Variants in LNP1 observed in about 807,000 individuals in gnomAD.
The protein encoded by LNP1 is leukemia NUP98 fusion partner 1.
A neutral mutation model predicts 14.5 loss-of-function variants in LNP1; 12 were observed. The ratio of observed to expected loss-of-function variants is 0.83; its 90% CI spans 0.53 to 1.34. LNP1 has a LOEUF of 1.34. LNP1 is among the 40% of genes most tolerant of loss of function. The probability of loss-of-function intolerance (pLI) is 0.00; values close to 1 mark genes in which losing one functional copy is unlikely to be tolerated. For missense variants in LNP1, 198 were observed against 210.9 expected, an observed-to-expected ratio of 0.94 and a Z score of 0.38; for synonymous variants, 75 against 71.4, an observed-to-expected ratio of 1.05 and a Z score of -0.26.
At chr3:100,440,326 C>T (rs1235393051) in intron 2 of LNP1, among the ~76,000 whole-genome samples, 2 of 152,166 alleles carry the variant, frequency 1.3e-5, no homozygotes, top group African/African-American at 2.4e-5. Context: ...CCCATAACAA[C>T]ATACAATGGC....
At chr3:100,433,149 C>T (rs572558968) in intron 2 of LNP1, among the ~76,000 whole-genome samples, 123 of 152,242 alleles carry the variant, frequency 8.1e-4, no homozygotes, top group African/African-American at 2.9e-3. Context: ...GCTGCACCTA[C>T]CAACCCGTCA....
intron 1 of LNP1, among the ~76,000 whole-genome samples, chr3:100,421,481 G>C (rs1267576114): frequency 2.6e-5 from 4 of 152,094 alleles, no homozygotes; most frequent in African/African-American, 9.7e-5. Context: ...TTATCACCCT[G>C]TATTGTATTT....
At chr3:100,418,148 C>T (rs1707105730) in intron 1 of LNP1, among the ~76,000 whole-genome samples, 1 of 150,726 alleles carries the variant, frequency 6.6e-6, no homozygotes, top group Non-Finnish European at 1.5e-5. Context: ...CAACCTCTGC[C>T]TCCTGGGTTC....
chr3:100,401,861 A>G lies in LNP1; in HGVS notation c.-612A>G, dbSNP rs2148896938. ...ATCGTCGGCACCAATTAACGAAGCGATGACATCTGCGTTGTTAGGGGTTTC... is the reference window on the plus strand; with the variant it reads ...ATCGTCGGCACCAATTAACGAAGCGGTGACATCTGCGTTGTTAGGGGTTTC... On this transcript the variant is annotated 5_prime_UTR_variant, in exon 1 of 4. An upstream start codon of the reference 5' UTR is lost. Transcript: ENST00000383693. 6.6e-6 allele frequency: 1 copy of G among 152,356 alleles called. No homozygotes were observed. Among genetic ancestry groups the G allele is most frequent in the South Asian group, 2.1e-4 (1 of 4,824 alleles). The allele number at this position is 152,356 out of a possible 1,614,324, so 9.4% of individuals were successfully genotyped here. A position where few individuals can be genotyped will look rare whatever the true frequency, so the allele number is the denominator to read the frequency against.
chr3:100,413,287 G>C (rs1707048159), intron 1 of LNP1, among the ~76,000 whole-genome samples: 1 of 152,180 alleles, frequency 6.6e-6, no homozygotes, highest in Non-Finnish European at 1.5e-5. Context: ...CCCCAATCCT[G>C]ATGGTTTCTG....
intron 2 of LNP1, among the ~76,000 whole-genome samples, chr3:100,440,676 T>A (rs1208931043): frequency 6.6e-6 from 1 of 152,226 alleles, no homozygotes; most frequent in Non-Finnish European, 1.5e-5. Flanking sequence ...ATATATTTAA[T>A]GAACCCATGC....
At position 100,429,738 on chromosome 3, in the gene LNP1, C is replaced by CA; in HGVS notation, c.12dup (p.Asp5ArgfsTer2). 6.2e-7 allele frequency: 1 copy of CA among 1,613,626 alleles called. No homozygotes were observed. Among genetic ancestry groups the CA allele is most frequent in the Non-Finnish European group, 8.5e-7 (1 of 1,179,752 alleles). ...TTTGGCATCACCTTTACATGGAGCA[C>CA]AAAGATGATGATGATGATGATGTGT... On this transcript the variant is annotated frameshift_variant, in exon 2 of 4. Transcript: ENST00000383693. LOFTEE classifies it high-confidence loss of function.
chr3:100,430,872 C>G (rs1023593779), intron 2 of LNP1, among the ~76,000 whole-genome samples: 3 of 152,194 alleles, frequency 2.0e-5, no homozygotes, highest in African/African-American at 7.2e-5. Context: ...CAAAATATAT[C>G]CCTTGCCAAA....
chr3:100,414,519 C>G (rs552675464), intron 1 of LNP1, among the ~76,000 whole-genome samples: 3 of 151,742 alleles, frequency 2.0e-5, no homozygotes, highest in South Asian at 4.2e-4. Context: ...TGCACTCCAG[C>G]CTGGGCAATA....
chr3:100,406,427 A>T (rs564328060), intron 1 of LNP1, among the ~76,000 whole-genome samples: 13 of 152,206 alleles, frequency 8.5e-5, no homozygotes, highest in Non-Finnish European at 1.6e-4. Flanking sequence ...AGGTGGTGTG[A>T]TGGGTAATTT....
At chr3:100,455,723 G>A (rs986834811) in intron 3 of LNP1, 54 bp from the exon 4 acceptor site, 13 of 1,544,992 alleles carry the variant, frequency 8.4e-6, no homozygotes, top group African/African-American at 8.2e-5. Context: ...GAGAAATGTG[G>A]AGTGTTGTCA....
chr3:100,434,836 T>C (rs1707278696), intron 2 of LNP1, among the ~76,000 whole-genome samples: 2 of 151,760 alleles, frequency 1.3e-5, no homozygotes, highest in Admixed American at 1.3e-4. Context: ...GCTGTCTTTT[T>C]TTTTTTTTTT....
chr3:100,449,986 G>T (rs906815712), intron 2 of LNP1, among the ~76,000 whole-genome samples: 1 of 151,796 alleles, frequency 6.6e-6, no homozygotes, highest in Non-Finnish European at 1.5e-5. Context: ...CTAGCAAAAA[G>T]ATGGCCTTGT....
intron 1 of LNP1, among the ~76,000 whole-genome samples, chr3:100,416,599 T>TTGTGTGTG (rs769199967): frequency 1.1e-4 from 10 of 94,618 alleles, no homozygotes; most frequent in Admixed American, 3.8e-4. Flanking sequence ...TATATCTTTT[T>TTGTGTGTG]TGTGTGTGTG....
At chr3:100,455,731 T>C in intron 3 of LNP1, 46 bp from the exon 4 acceptor site, 2 of 1,590,146 alleles carry the variant, frequency 1.3e-6, no homozygotes, top group Non-Finnish European at 1.7e-6. Flanking sequence ...TGGAGTGTTG[T>C]CAGCTGCTTG....
intron 2 of LNP1, among the ~76,000 whole-genome samples, chr3:100,433,385 A>G (rs1707260920): frequency 1.3e-5 from 2 of 152,222 alleles, no homozygotes; most frequent in Admixed American, 1.3e-4. Flanking sequence ...ATGTCCCTGC[A>G]AAGGACATGA....
chr3:100,423,500 T>C (rs1399830481), intron 1 of LNP1, among the ~76,000 whole-genome samples: 1 of 151,880 alleles, frequency 6.6e-6, no homozygotes, highest in Non-Finnish European at 1.5e-5. Context: ...TCTATAAAAA[T>C]AAATAAAGGG....
At position 100,456,283 on chromosome 3, in the gene LNP1, A is replaced by C; in HGVS notation, c.*357A>C. The C allele has an allele frequency of 6.1e-6, 1 of 164,888 alleles. No homozygotes were observed. The highest frequency in any genetic ancestry group is 1.3e-5 in the Non-Finnish European group (1 of 77,084). 10.2% of individuals were successfully genotyped at this position (164,888 alleles called of 1,614,324 possible). On this transcript the variant is annotated 3_prime_UTR_variant, in exon 4 of 4. Transcript: ENST00000383693. ...CTTCACCAACCCTTCTCACACATCA[A>C]CTCATAAATCATCTTAAATAAAAGT...
chr3:100,453,453 G>T (rs1707479186), intron 3 of LNP1, among the ~76,000 whole-genome samples: 1 of 150,880 alleles, frequency 6.6e-6, no homozygotes, highest in Non-Finnish European at 1.5e-5. Context: ...TACCAGCCAT[G>T]GTGTCCTGCA....
Sources: gnomAD v4.1 joint callset for allele counts (sites outside exome capture counted in the v4.1 genomes callset) on GRCh38, gnomAD v4.1.1 for gene constraint, MANE v1.5 for transcripts, NCBI Gene and HGNC (gene_info 2026-07-23, HGNC 2026-07-21) for gene names.